The following CACNA2D2 variants were observed in gnomAD, a reference collection of about 807,000 sequenced individuals.
CACNA2D2 encodes calcium voltage-gated channel auxiliary subunit alpha2delta 2, also known as voltage-dependent calcium channel subunit alpha-2/delta-2.
In CACNA2D2, 48 loss-of-function variants were observed where a neutral mutation model predicts 166.4. The observed-to-expected ratio is 0.29, with a 90% CI of 0.23 to 0.37. The LOEUF is 0.37. CACNA2D2 is among the 10% of genes least tolerant of loss of function. The probability of loss-of-function intolerance (pLI) is 1.00; values close to 1 mark genes in which losing one functional copy is unlikely to be tolerated. For missense variants in CACNA2D2, 1,122 were observed against 1,433.0 expected (o/e 0.78, Z 3.50); for synonymous variants, 561 against 573.7 (o/e 0.98, Z 0.32).
At chr3:50,464,420 C>T (rs1363724229) in intron 2 of CACNA2D2, among the ~76,000 whole-genome samples, 2 of 152,162 alleles carry the variant, frequency 1.3e-5, no homozygotes, top group Non-Finnish European at 2.9e-5. Flanking sequence ...CCTTCCTGGG[C>T]AACAGAGGGG....
chr3:50,499,972 T>C (rs1698890055), intron 1 of CACNA2D2, among the ~76,000 whole-genome samples: 1 of 152,036 alleles, frequency 6.6e-6, no homozygotes, highest in Admixed American at 6.5e-5. Flanking sequence ...CTGGGAAGCC[T>C]CATCCCTCCC....
chr3:50,426,994 C>A (rs918638602), intron 3 of CACNA2D2, among the ~76,000 whole-genome samples: 1 of 152,190 alleles, frequency 6.6e-6, no homozygotes, highest in Non-Finnish European at 1.5e-5. Flanking sequence ...TCAGGATTCT[C>A]GACTGCCAGA....
At position 50,384,093 on chromosome 3, in the gene CACNA2D2, G is replaced by T. The variant is rs956765092; in HGVS notation, c.652+103C>A. 2.7e-5 allele frequency: 39 copies of T among 1,424,256 alleles called. No individual in the cohort carries two copies. The Admixed American group carries it at 7.4e-4, about 27-fold the overall frequency. 88.2% of individuals were successfully genotyped at this position (1,424,256 alleles called of 1,614,324 possible). A position where few individuals can be genotyped will look rare whatever the true frequency, so the allele number is the denominator to read the frequency against. On this transcript the variant is annotated intron_variant, in intron 6 of 37. Coordinates refer to ENST00000424201, the MANE Select transcript of CACNA2D2 (RefSeq NM_006030.4). The stretch of plus-strand genomic sequence containing the variant: ...TCTCAGGTGTAGGAGGCTGGAGGTA[G>T]ATGGCACTGGCCTTCTGTCCCCAGG...
intron 1 of CACNA2D2, among the ~76,000 whole-genome samples, chr3:50,491,564 A>C (rs1368332891): frequency 2.0e-5 from 3 of 152,146 alleles, no homozygotes; most frequent in Non-Finnish European, 4.4e-5. Flanking sequence ...GGGGCGGAAA[A>C]AGGAGAGTGA....
chr3:50,463,307 T>C (rs552328038), intron 2 of CACNA2D2, among the ~76,000 whole-genome samples: 47 of 146,920 alleles, frequency 3.2e-4, no homozygotes, highest in South Asian at 2.8e-3. Flanking sequence ...AAATTTCTCT[T>C]TTTTTTTTTT....
At chr3:50,457,240 ACT>A (rs1473678582) in intron 2 of CACNA2D2, among the ~76,000 whole-genome samples, 2 of 152,090 alleles carry the variant, frequency 1.3e-5, no homozygotes, top group Non-Finnish European at 1.5e-5. Context: ...ACAGAGTAAG[ACT>A]CTGTCTCAAA....
rs587738636 is a variant in CACNA2D2, at chr3:50,382,452, C to T, written c.653-1326G>A. Among the ~76,000 whole-genome samples the T allele has an allele frequency of 3.9e-5, 6 of 152,338 alleles. No individual in the cohort carries two copies. In the East Asian group the frequency reaches 7.7e-4, roughly 20 times the overall value. On this transcript the variant is annotated intron_variant, in intron 6 of 37. Coordinates refer to ENST00000424201, the MANE Select transcript of CACNA2D2 (RefSeq NM_006030.4). ...ACACTCTGGGGCACTCTCCCTCGGG[C>T]GGCCCCTCTGGAGCGTGGAGCCTCT... is the stretch of plus-strand genomic sequence containing the variant.
chr3:50,384,147 G>A (rs755083824), intron 6 of CACNA2D2, 49 bp downstream of exon 6: 2 of 1,600,526 alleles, frequency 1.2e-6, no homozygotes, highest in Non-Finnish European at 8.5e-7. Context: ...CAGTGGGCCT[G>A]CCCCCACAGC....
intron 1 of CACNA2D2, among the ~76,000 whole-genome samples, chr3:50,480,700 A>G (rs1193599876): frequency 6.8e-6 from 1 of 147,974 alleles, no homozygotes; most frequent in Non-Finnish European, 1.5e-5. Context: ...CCCCTTTAGC[A>G]GACAGGATCA....
chr3:50,395,654 G>A (rs1178711253), intron 3 of CACNA2D2, among the ~76,000 whole-genome samples: 1 of 152,224 alleles, frequency 6.6e-6, no homozygotes, highest in African/African-American at 2.4e-5. Flanking sequence ...AGGGGAAGTG[G>A]AAGTCAGGTC....
chr3:50,487,163 C>A (rs529726688), intron 1 of CACNA2D2, among the ~76,000 whole-genome samples: 2 of 151,418 alleles, frequency 1.3e-5, no homozygotes. Context: ...TGGCCCTGTC[C>A]CCTAGGCTGT....
rs573935050 is a variant in CACNA2D2 at position 50,479,933 on chromosome 3, C to G, written c.207-3734G>C. Among the ~76,000 whole-genome samples the G allele has an allele frequency of 2.0e-3, 306 of 152,320 alleles. 1 individual carries two copies. Among genetic ancestry groups the G allele is most frequent in the African/African-American group, 6.9e-3 (288 of 41,572 alleles). ...TGACACTGCTTATCCCTAATTGCTT[C>G]TAAGTGCCAAACTAACAAGGCAGTG... On this transcript the variant is annotated intron_variant, in intron 1 of 37. Transcript: ENST00000424201.
At chr3:50,406,240 C>T (rs913595994) in intron 3 of CACNA2D2, among the ~76,000 whole-genome samples, 3 of 151,808 alleles carry the variant, frequency 2.0e-5, no homozygotes, top group African/African-American at 7.2e-5. Context: ...CTAAAAGCTG[C>T]CCCACTGGCC....
chr3:50,477,202 T>C (rs185295106), intron 1 of CACNA2D2, among the ~76,000 whole-genome samples: 4 of 151,904 alleles, frequency 2.6e-5, no homozygotes, highest in Non-Finnish European at 5.9e-5. Flanking sequence ...GTGCTGGGAT[T>C]ATAGGCATGA....
intron 2 of CACNA2D2, among the ~76,000 whole-genome samples, chr3:50,449,043 G>A (rs1157119072): frequency 6.6e-6 from 1 of 152,192 alleles, no homozygotes; most frequent in Non-Finnish European, 1.5e-5. Context: ...GCTGATGGTG[G>A]GCGAGAAAAA....
At chr3:50,469,303 A>G (rs1709964405) in intron 2 of CACNA2D2, among the ~76,000 whole-genome samples, 1 of 152,086 alleles carries the variant, frequency 6.6e-6, no homozygotes. Context: ...GGCCAAAGAA[A>G]TCACGTACCC....
intron 2 of CACNA2D2, among the ~76,000 whole-genome samples, chr3:50,446,726 C>G (rs985267526): frequency 6.6e-6 from 1 of 152,238 alleles, no homozygotes; most frequent in African/African-American, 2.4e-5. Flanking sequence ...GGATAACAAG[C>G]CCCTAATTCA....
chr3:50,377,523 C>T lies in CACNA2D2; in HGVS notation c.1570G>A (p.Val524Met), dbSNP rs758052476. 2.3e-5 allele frequency: 37 copies of T among 1,613,216 alleles called. No individual in the cohort carries two copies. In the East Asian group the frequency reaches 4.5e-4, roughly 19 times the overall value. The part of the protein sequence containing the change: ...GEKKNQLILG[V>M]MGIDVALNDI... ...TTCAGAGCCACGTCAATGCCCATCA[C>T]GCCCAGGATCAGCTGGTTCTGGGAG... The change falls in exon 17 of 38, where the codon GTG becomes ATG. Residue 524 changes from valine (V) to methionine (M), a missense_variant. Physicochemically the swap from Val to Met is conservative, Grantham distance 21. This residue lies in a region of CACNA2D2 where 840 missense variants were observed against 1,166.8 expected (regional missense o/e 0.72). Transcript: ENST00000424201.
Position 50,376,911 on chromosome 3 carries a change from G to C in CACNA2D2, c.1626+556C>G, listed in dbSNP as rs1377839550. Among the ~76,000 whole-genome samples, 2 of 152,136 alleles carry C rather than the reference G, an allele frequency of 1.3e-5. No homozygotes were observed. The highest frequency in any genetic ancestry group is 2.9e-5 in the Non-Finnish European group (2 of 68,038). ...GGTTTATGATTGTTTTTCACCTTTG[G>C]GCCCTTGGCCAGAGAATTCCCTCTG... On this transcript the variant is annotated intron_variant, in intron 17 of 37. Coordinates refer to ENST00000424201, the MANE Select transcript of CACNA2D2 (RefSeq NM_006030.4). The surrounding 1 kb of genome is among the most constrained non-coding windows in gnomAD (Gnocchi z 4.3).
Sources: gnomAD v4.1 joint callset for allele counts (sites outside exome capture counted in the v4.1 genomes callset) on GRCh38, gnomAD v4.1.1 for gene constraint, gnomAD v4.1.1 regional missense constraint, Gnocchi (gnomAD v3.1) non-coding constraint, MANE v1.5 for transcripts, NCBI Gene and HGNC (gene_info 2026-07-23, HGNC 2026-07-21) for gene names.